The following PDE4D variants were observed in gnomAD, a reference collection of about 807,000 sequenced individuals.
PDE4D encodes phosphodiesterase 4D, also known as 3',5'-cyclic-AMP phosphodiesterase 4D.
Under a neutral mutation model 87.4 loss-of-function variants are expected in PDE4D, and 24 were observed. The ratio of observed to expected loss-of-function variants is 0.27; its 90% confidence interval spans 0.20 to 0.39. The LOEUF (loss-of-function observed/expected upper bound fraction) is 0.39, where lower values mean the gene tolerates loss of function less well. PDE4D is among the 10% of genes least tolerant of loss of function. The pLI, the probability that PDE4D is intolerant of heterozygous loss-of-function variation, is 1.00. For missense variants in PDE4D, 714 were observed against 1,041.0 expected, an observed-to-expected ratio of 0.69 and a Z score of 4.32; for synonymous variants, 384 against 383.2, an observed-to-expected ratio of 1.00 and a Z score of -0.02.
chr5:60,501,432 G>T lies in PDE4D; in HGVS notation n.70+20619C>A, dbSNP rs1357402423. Among the ~76,000 whole-genome samples, 12 of 151,618 alleles carry T rather than the reference G, an allele frequency of 7.9e-5. No individual in the cohort carries two copies. In the East Asian group the frequency reaches 2.1e-3, roughly 27 times the overall value. Reference sequence around the variant, plus strand: ...ACATTTGGGTTGGTTCCAAGTCTTTGCTATTGTGAATAGAGCCGCAATAAA... The same window carrying T: ...ACATTTGGGTTGGTTCCAAGTCTTTTCTATTGTGAATAGAGCCGCAATAAA... On this transcript the variant is annotated intron_variant and non_coding_transcript_variant, in intron 1 of 2. Coordinates refer to the PDE4D transcript ENST00000506510.
At chr5:59,236,056 G>T (rs1756353879) in intron 1 of PDE4D, among the ~76,000 whole-genome samples, 1 of 152,032 alleles carries the variant, frequency 6.6e-6, no homozygotes, top group South Asian at 2.1e-4. Flanking sequence ...GCACAGTTTT[G>T]TTACATGGCT....
chr5:59,297,818 G>C (rs1347972153), intron 1 of PDE4D, among the ~76,000 whole-genome samples: 1 of 152,068 alleles, frequency 6.6e-6, no homozygotes, highest in Non-Finnish European at 1.5e-5. Context: ...TCCCAAATAT[G>C]GACTTTTAAA....
chr5:60,036,763 G>A (rs1002153498), intron 2 of PDE4D, among the ~76,000 whole-genome samples: 18 of 152,196 alleles, frequency 1.2e-4, no homozygotes, highest in Admixed American at 3.9e-4. Context: ...CACAGGCCTG[G>A]GTTGCCTATC....
At chr5:60,183,164 C>A (rs1784511807) in intron 2 of PDE4D, among the ~76,000 whole-genome samples, 1 of 152,162 alleles carries the variant, frequency 6.6e-6, no homozygotes, top group Admixed American at 6.5e-5. Flanking sequence ...GACGAGAGAG[C>A]TTACCAGGAA....
chr5:60,062,368 T>A lies in PDE4D; in HGVS notation c.43-73651A>T, dbSNP rs371788604. ...AAATCAAAACCACAATGAGATACCA[T>A]CTCACACCAGTCAGAATGGCGCTTA... On this transcript the variant is annotated intron_variant, in intron 2 of 16. Coordinates refer to the PDE4D transcript ENST00000502484. Among the ~76,000 whole-genome samples, 45 of 152,112 alleles carry A rather than the reference T, an allele frequency of 3.0e-4. 1 individual carries two copies. The highest frequency in any genetic ancestry group is 9.9e-4 in the African/African-American group (41 of 41,490).
chr5:59,081,883 C>G (rs1324939428), intron 5 of PDE4D, among the ~76,000 whole-genome samples: 1 of 152,038 alleles, frequency 6.6e-6, no homozygotes, highest in Non-Finnish European at 1.5e-5. Context: ...GCGGGAGGGA[C>G]TGGGTGAAGA....
At chr5:59,430,956 T>C (rs981969771) in intron 1 of PDE4D, among the ~76,000 whole-genome samples, 11 of 152,186 alleles carry the variant, frequency 7.2e-5, no homozygotes, top group Non-Finnish European at 1.6e-4. Flanking sequence ...GGAAATGTTA[T>C]GGGCGGTTTT....
At chr5:60,226,765 A>G (rs1276952019) in intron 1 of PDE4D, among the ~76,000 whole-genome samples, 5 of 151,762 alleles carry the variant, frequency 3.3e-5, no homozygotes, top group Admixed American at 6.6e-5. Context: ...TTTGTCATCA[A>G]TGCCATCTGA....
chr5:59,686,449 T>C (rs965566470), intron 1 of PDE4D, among the ~76,000 whole-genome samples: 5 of 152,150 alleles, frequency 3.3e-5, no homozygotes, highest in African/African-American at 4.8e-5. Flanking sequence ...TAGAGCCCAC[T>C]TTCATGATCT....
chr5:60,170,695 C>T (rs938110622), intron 2 of PDE4D, among the ~76,000 whole-genome samples: 3 of 151,596 alleles, frequency 2.0e-5, no homozygotes, highest in African/African-American at 4.8e-5. Context: ...AAGAGAAACA[C>T]GATAATGACA....
At chr5:59,941,600 A>G (rs1167332377) in intron 3 of PDE4D, among the ~76,000 whole-genome samples, 1 of 152,130 alleles carries the variant, frequency 6.6e-6, no homozygotes, top group Non-Finnish European at 1.5e-5. Flanking sequence ...AAGAATATTT[A>G]TTTTATGATG....
intron 1 of PDE4D, among the ~76,000 whole-genome samples, chr5:60,439,727 C>G (rs2080579833): frequency 6.6e-6 from 1 of 152,116 alleles, no homozygotes; most frequent in African/African-American, 2.4e-5. Flanking sequence ...ACCCACCTCT[C>G]TCCATCTCCA....
intron 1 of PDE4D, among the ~76,000 whole-genome samples, chr5:59,754,106 G>A (rs565691723): frequency 6.6e-6 from 1 of 152,160 alleles, no homozygotes; most frequent in Non-Finnish European, 1.5e-5. Context: ...GAGACAGGCA[G>A]ATCTCTTGAG....
At chr5:59,642,116 A>C (rs1398259081) in intron 1 of PDE4D, among the ~76,000 whole-genome samples, 1 of 152,082 alleles carries the variant, frequency 6.6e-6, no homozygotes, top group Non-Finnish European at 1.5e-5. Flanking sequence ...ATACATATAG[A>C]ATGATTTCTT....
intron 1 of PDE4D, chr5:59,430,297 C>A (rs1462673317): frequency 1.2e-5 from 15 of 1,231,130 alleles, no homozygotes; most frequent in Non-Finnish European, 1.5e-5. Flanking sequence ...CAGTTACCGT[C>A]TCCTCTGTGG....
chr5:59,041,127 A>G (rs1759611208), intron 5 of PDE4D, among the ~76,000 whole-genome samples: 1 of 152,200 alleles, frequency 6.6e-6, no homozygotes. Context: ...CAGGTGAATT[A>G]AAGTTTCAGA....
intron 1 of PDE4D, among the ~76,000 whole-genome samples, chr5:59,760,031 T>C (rs1235851904): frequency 1.3e-5 from 2 of 152,196 alleles, no homozygotes; most frequent in Non-Finnish European, 2.9e-5. Flanking sequence ...TGTGTGTATA[T>C]GTGTATTTTT....
chr5:59,045,991 G>T (rs1760564155), intron 5 of PDE4D, among the ~76,000 whole-genome samples: 4 of 152,130 alleles, frequency 2.6e-5, no homozygotes, highest in Admixed American at 2.6e-4. Flanking sequence ...ATGAACAGAA[G>T]GACTGCCCAA....
At chr5:59,902,884 T>C (rs1258160865) in intron 3 of PDE4D, among the ~76,000 whole-genome samples, 1 of 152,206 alleles carries the variant, frequency 6.6e-6, no homozygotes, top group East Asian at 1.9e-4. Flanking sequence ...TTGGGGAACC[T>C]AAATAGAACT....
Sources: allele counts gnomAD v4.1 joint callset (sites outside exome capture counted in the v4.1 genomes callset), GRCh38; gene constraint gnomAD v4.1.1; transcripts MANE v1.5; gene names NCBI Gene and HGNC (gene_info 2026-07-23, HGNC 2026-07-21).